WDR44: variants seen among roughly 807,000 people sequenced by gnomAD.
The protein encoded by WDR44 is WD repeat-containing protein 44.
A neutral mutation model predicts 65.7 loss-of-function variants in WDR44; 9 were observed. That is an observed-to-expected ratio of 0.14 (90% CI 0.08 to 0.24). The LOEUF is 0.24. Among genes scored for constraint, WDR44 ranks in the 10% least tolerant of loss-of-function variants. The probability of loss-of-function intolerance (pLI) is 1.00; values close to 1 mark genes in which losing one functional copy is unlikely to be tolerated. For synonymous variants in WDR44, 220 were observed against 235.2 expected (o/e 0.94, Z 0.59); for missense variants, 425 against 670.9 (o/e 0.63, Z 4.05).
At chrX:118,364,272 T>G (rs2056535532) in intron 1 of WDR44, among the ~76,000 whole-genome samples, 1 of 112,190 alleles carries the variant, frequency 8.9e-6, no homozygotes, top group Non-Finnish European at 1.9e-5. Context: ...TAGTGTTTAG[T>G]GTAAATTTAT....
chrX:118,415,654 C>A (rs896728196), intron 12 of WDR44, among the ~76,000 whole-genome samples: 4 of 111,016 alleles, frequency 3.6e-5, no homozygotes, highest in Non-Finnish European at 7.5e-5. Context: ...CAGGCACACA[C>A]CACCATGCCC....
chrX:118,389,986 T>A (rs1284129351), intron 3 of WDR44, among the ~76,000 whole-genome samples: 1 of 109,824 alleles, frequency 9.1e-6, no homozygotes, highest in Non-Finnish European at 1.9e-5. Flanking sequence ...CTCCACCTCC[T>A]GGGTTGAAGC....
intron 1 of WDR44, 118 bp downstream of exon 1, chrX:118,346,698 C>A: frequency 1.7e-6 from 1 of 578,864 alleles, no homozygotes; most frequent in Non-Finnish European, 2.6e-6. Context: ...TCCTCCCCGT[C>A]TCACTGGAGG....
rs928194368 is a variant in WDR44 at position 118,439,235 on chromosome X, C to G, written c.1975-2133C>G. On this transcript the variant is annotated intron_variant, in intron 14 of 19. Coordinates refer to ENST00000254029, the MANE Select transcript of WDR44 (RefSeq NM_019045.5). The stretch of plus-strand genomic sequence containing the variant: ...GCCTTTTTTTGGGGGGGAAATATGA[C>G]TTTTATTATAATGTTAAAGGAAGAA... 6.4e-5 allele frequency among the ~76,000 whole-genome samples: 7 copies of G among 109,409 alleles called. No individual in the cohort carries two copies. In the East Asian group the frequency reaches 2.0e-3, roughly 31 times the overall value.
At chrX:118,402,595 A>G (rs1321681778) in intron 8 of WDR44, among the ~76,000 whole-genome samples, 1 of 109,432 alleles carries the variant, frequency 9.1e-6, no homozygotes, top group Non-Finnish European at 1.9e-5. Flanking sequence ...AAAAAATACA[A>G]AAATTAGCCA....
At chrX:118,355,728 G>A (rs1171875667) in intron 1 of WDR44, among the ~76,000 whole-genome samples, 1 of 111,226 alleles carries the variant, frequency 9.0e-6, no homozygotes, top group Non-Finnish European at 1.9e-5. Context: ...GAGGCGGGTG[G>A]TGAGTAAGCA....
At chrX:118,368,112 A>G (rs1394975859) in intron 1 of WDR44, among the ~76,000 whole-genome samples, 2 of 111,625 alleles carry the variant, frequency 1.8e-5, no homozygotes, top group African/African-American at 6.5e-5. Flanking sequence ...AAGTGTAGCC[A>G]TCTAAGAAGG....
At chrX:118,447,471 A>G (rs1453499808) in intron 19 of WDR44, among the ~76,000 whole-genome samples, 2 of 111,465 alleles carry the variant, frequency 1.8e-5, no homozygotes, top group Admixed American at 9.6e-5. Context: ...TGGGATCACA[A>G]AATATATTCA....
rs770260424 is a variant in WDR44 at position 118,448,882 on chromosome X, A to G, written c.2648-11A>G. On this transcript the variant is annotated splice_polypyrimidine_tract_variant and intron_variant, in intron 19 of 19. Coordinates refer to ENST00000254029, the MANE Select transcript of WDR44 (RefSeq NM_019045.5). ...AAAAATCAACTTAAAACTATTTTTT[A>G]TACTTTTAAGGTATTATGAAGACAG... is the stretch of plus-strand genomic sequence containing the variant. 15 of 1,129,510 alleles carry G rather than the reference A, an allele frequency of 1.3e-5. No homozygotes were observed. Among genetic ancestry groups the G allele is most frequent in the South Asian group, 6.4e-5 (3 of 47,211 alleles). The allele number at this position is 1,129,510 out of a possible 1,213,427, so 93.1% of individuals were successfully genotyped here.
chrX:118,436,673 T>G, intron 13 of WDR44, 29 bp from the exon 14 acceptor site: 1 of 1,175,841 alleles, frequency 8.5e-7, no homozygotes, highest in Non-Finnish European at 1.1e-6. Context: ...CATATAGTGA[T>G]AACATAGTCA....
intron 12 of WDR44, among the ~76,000 whole-genome samples, chrX:118,424,787 T>C (rs756111568): frequency 2.7e-5 from 3 of 111,500 alleles, no homozygotes; most frequent in East Asian, 5.7e-4. Context: ...CCAAGTCCAA[T>C]GTCAAGAAGT....
At chrX:118,374,780 A>G (rs993881140) in intron 1 of WDR44, among the ~76,000 whole-genome samples, 2 of 111,820 alleles carry the variant, frequency 1.8e-5, no homozygotes, top group African/African-American at 6.5e-5. Context: ...TGAAGAGACT[A>G]CACTATCATG....
chrX:118,391,153 G>T (rs1391329894), intron 3 of WDR44, among the ~76,000 whole-genome samples: 1 of 111,857 alleles, frequency 8.9e-6, no homozygotes, highest in East Asian at 2.8e-4. Context: ...AAAGTGCTGG[G>T]TCACTTTATC....
chrX:118,406,346 A>G (rs2056967460), intron 9 of WDR44, among the ~76,000 whole-genome samples: 1 of 111,001 alleles, frequency 9.0e-6, no homozygotes, highest in Admixed American at 9.7e-5. Flanking sequence ...CAGGAGGATC[A>G]CTTAAGCCCA....
intron 1 of WDR44, among the ~76,000 whole-genome samples, chrX:118,369,670 G>C (rs1367044547): frequency 9.2e-6 from 1 of 108,373 alleles, no homozygotes; most frequent in African/African-American, 3.4e-5. Context: ...GGGTTTCACC[G>C]TGTTAGCCAG....
intron 1 of WDR44, among the ~76,000 whole-genome samples, chrX:118,356,500 C>A (rs1295417737): frequency 9.1e-6 from 1 of 110,288 alleles, no homozygotes; most frequent in African/African-American, 3.3e-5. Context: ...TTTTTGGCCA[C>A]AAGCCTCTAA....
chrX:118,385,405 A>G (rs1410281677), intron 2 of WDR44, among the ~76,000 whole-genome samples: 1 of 112,066 alleles, frequency 8.9e-6, no homozygotes, highest in Non-Finnish European at 1.9e-5. Flanking sequence ...ATGCAGGAAC[A>G]GAAAACCAAA....
At chrX:118,447,875 AATATATATATATATATATATATATAT>A (rs10570740) in intron 19 of WDR44, among the ~76,000 whole-genome samples, 29 of 54,789 alleles carry the variant, frequency 5.3e-4, no homozygotes, top group South Asian at 4.6e-3. Context: ...CTCTATCTAA[AATATATATATATATATATATATATAT>A]ATATATATAT....
intron 13 of WDR44, among the ~76,000 whole-genome samples, chrX:118,433,716 G>T (rs1462085663): frequency 9.0e-6 from 1 of 111,671 alleles, no homozygotes; most frequent in African/African-American, 3.3e-5. Flanking sequence ...ATTAATATTA[G>T]CAGTGATGAT....
Sources: allele counts gnomAD v4.1 joint callset (sites outside exome capture counted in the v4.1 genomes callset), GRCh38; gene constraint gnomAD v4.1.1; transcripts MANE v1.5; gene names NCBI Gene and HGNC (gene_info 2026-07-23, HGNC 2026-07-21).